The following NUP133 variants were observed in gnomAD, a reference collection of about 807,000 sequenced individuals.
NUP133 encodes nuclear pore complex protein Nup133.
Under a neutral mutation model 146.2 loss-of-function variants are expected in NUP133, and 66 were observed. That is an observed-to-expected ratio of 0.45 (90% CI 0.37 to 0.55). NUP133 has a LOEUF of 0.55. Ranked by LOEUF, NUP133 falls within the 20% of genes least tolerant of loss-of-function variation. The pLI, the probability that NUP133 is intolerant of heterozygous loss-of-function variation, is 0.00. For synonymous variants in NUP133, 521 were observed against 498.8 expected, an observed-to-expected ratio of 1.04 and a Z score of -0.59; for missense variants, 1,277 against 1,374.8, an observed-to-expected ratio of 0.93 and a Z score of 1.12.
At chr1:229,506,619 C>G (rs994983966) in intron 1 of NUP133, among the ~76,000 whole-genome samples, 8 of 151,774 alleles carry the variant, frequency 5.3e-5, no homozygotes, top group Non-Finnish European at 1.0e-4. Flanking sequence ...AAGAGTCCAC[C>G]AGACCTGGCC....
At chr1:229,485,430 G>C (rs923766152) in intron 11 of NUP133, among the ~76,000 whole-genome samples, 2 of 152,092 alleles carry the variant, frequency 1.3e-5, no homozygotes, top group Non-Finnish European at 2.9e-5. Context: ...TGTGTAAAAA[G>C]ATTAAGTCAC....
chr1:229,506,453 T>TC (rs1237496907), intron 1 of NUP133, among the ~76,000 whole-genome samples: 1 of 151,434 alleles, frequency 6.6e-6, no homozygotes, highest in Non-Finnish European at 1.5e-5. Flanking sequence ...ACCAGTGTTT[T>TC]TTTTTTTTTT....
Position 229,452,585 on chromosome 1 carries a change from C to T in NUP133, c.3039G>A (p.Leu1013=), listed in dbSNP as rs537919966. 2.5e-6 allele frequency: 4 copies of T among 1,613,990 alleles called. No individual in the cohort carries two copies. Among genetic ancestry groups the T allele is most frequent in the African/African-American group, 2.7e-5 (2 of 75,042 alleles). Residue 1013 remains leucine, a synonymous_variant, in exon 22 of 26, where the codon CTG becomes CTA. Coordinates refer to ENST00000261396, the MANE Select transcript of NUP133 (RefSeq NM_018230.3). The stretch of plus-strand genomic sequence containing the variant: ...CACTGAGATTTAGCTGTTTCTCCGC[C>T]AGCAGCTGTTCAGGTAGGGTCTCCT... The part of the protein sequence containing the change: ...LHQETLPEQL[L]AEKQLNLSAM...
chr1:229,451,443 A>G (rs1035446132), intron 22 of NUP133, among the ~76,000 whole-genome samples: 1 of 152,122 alleles, frequency 6.6e-6, no homozygotes, highest in African/African-American at 2.4e-5. Context: ...TGTACAGTTG[A>G]TCTATATTCA....
Position 229,498,248 on chromosome 1 carries a change from C to T in NUP133, c.707G>A (p.Ser236Asn), listed in dbSNP as rs1661704436. ...GATATGCTGATGAATCTTTCCTGAG[C>T]TCTCAGGTATCAACCGAATTAGTTG... is the stretch of plus-strand genomic sequence containing the variant. ...GSQLIRLIPESSGKIHQHILP... is the reference protein window; with the variant it reads ...GSQLIRLIPENSGKIHQHILP... Residue 236 changes from serine to asparagine, a missense_variant, in exon 6 of 26, where the codon AGC (serine) becomes AAC (asparagine). Ser to Asn is a conservative substitution (Grantham distance 46). This residue lies in a region of NUP133 where 319 missense variants were observed against 306.9 expected (regional missense o/e 1.04). Coordinates refer to ENST00000261396, the MANE Select transcript of NUP133 (RefSeq NM_018230.3). 1.9e-6 allele frequency: 3 copies of T among 1,610,722 alleles called. No individual in the cohort carries two copies. The Admixed American group carries it at 5.1e-5, about 27-fold the overall frequency.
At chr1:229,492,676 A>G (rs1401526322) in intron 8 of NUP133, among the ~76,000 whole-genome samples, 2 of 152,000 alleles carry the variant, frequency 1.3e-5, no homozygotes, top group African/African-American at 2.4e-5. Context: ...GGAAAACCAA[A>G]TATCATATGT....
chr1:229,505,803 G>A (rs920599883), intron 2 of NUP133, among the ~76,000 whole-genome samples: 4 of 152,004 alleles, frequency 2.6e-5, no homozygotes, highest in Non-Finnish European at 5.9e-5. Flanking sequence ...CAGGAAACTC[G>A]CTTGAACCTG....
At chr1:229,465,897 A>T (rs1660799378) in intron 16 of NUP133, among the ~76,000 whole-genome samples, 1 of 151,206 alleles carries the variant, frequency 6.6e-6, no homozygotes, top group Non-Finnish European at 1.5e-5. Context: ...TCTCACAAAA[A>T]AAAAAAAAAA....
intron 3 of NUP133, 29 bp downstream of exon 3, chr1:229,501,970 C>G: frequency 6.6e-7 from 1 of 1,503,836 alleles, no homozygotes; most frequent in Non-Finnish European, 9.3e-7. Flanking sequence ...TCTCCTCTAT[C>G]TTGTTCCAGC....
At chr1:229,505,564 T>TAAA (rs56383157) in intron 2 of NUP133, among the ~76,000 whole-genome samples, 884 of 63,206 alleles carry the variant, frequency 0.014, 47 homozygotes, top group East Asian at 0.026. Flanking sequence ...CAATTACAGT[T>TAAA]AAAAAAAAAA....
chr1:229,505,207 C>A (rs954351426), intron 2 of NUP133, among the ~76,000 whole-genome samples: 1 of 152,086 alleles, frequency 6.6e-6, no homozygotes, highest in Non-Finnish European at 1.5e-5. Context: ...GATGAACTGT[C>A]GCAGTAATGC....
At chr1:229,507,748 A>G (rs961496725) in intron 1 of NUP133, among the ~76,000 whole-genome samples, 2 of 152,194 alleles carry the variant, frequency 1.3e-5, no homozygotes, top group Non-Finnish European at 2.9e-5. Context: ...CATTTCACAG[A>G]TGAAGAAAAT....
At chr1:229,499,532 C>T in intron 5 of NUP133, 152 bp downstream of exon 5, 2 of 758,688 alleles carry the variant, frequency 2.6e-6, no homozygotes, top group Non-Finnish European at 4.1e-6. Context: ...CTTTGGGAAG[C>T]CAAAGCAGGA....
chr1:229,496,113 T>C (rs1041080525), intron 6 of NUP133, 66 bp from the exon 7 acceptor site: 14 of 1,267,640 alleles, frequency 1.1e-5, no homozygotes, highest in Non-Finnish European at 1.5e-5. Flanking sequence ...ACTATTGTTT[T>C]AAAAGTCAAA....
Position 229,484,144 on chromosome 1 carries a change from C to T in NUP133, c.1502G>A (p.Ser501Asn). Residue 501 changes from serine (S) to asparagine (N), a missense_variant and splice_region_variant, in exon 12 of 26, where the codon AGT (serine) becomes AAT (asparagine). Coordinates refer to ENST00000261396, the MANE Select transcript of NUP133 (RefSeq NM_018230.3). ...CTTTGTAGTGGTCTCAAAAATCATA[C>T]TCTGCAAAATAACAAAGTATAGTTT... ...ASSVAGPNSE[S>N]MIFETTTKNE... is the part of the protein sequence containing the mutation. The T allele has an allele frequency of 6.2e-7, 1 of 1,607,270 alleles. No individual in the cohort carries two copies. Among genetic ancestry groups the T allele is most frequent in the Non-Finnish European group, 8.5e-7 (1 of 1,174,856 alleles).
chr1:229,452,390 G>T (rs891709801), intron 22 of NUP133, 135 bp downstream of exon 22: 1 of 564,334 alleles, frequency 1.8e-6, no homozygotes, highest in Non-Finnish European at 2.9e-6. Flanking sequence ...TTCAAACAAC[G>T]TTTTTCTAGG....
Position 229,508,254 on chromosome 1 carries a change from C to A in NUP133, c.-5G>T. The A allele has an allele frequency of 6.6e-7, 1 of 1,507,438 alleles. No individual in the cohort carries two copies. The highest frequency in any genetic ancestry group is 2.6e-5 in the East Asian group (1 of 38,950). The allele number at this position is 1,507,438 out of a possible 1,614,324, so 93.4% of individuals were successfully genotyped here. A position where few individuals can be genotyped will look rare whatever the true frequency, so the allele number is the denominator to read the frequency against. ...AGAAGGGGCGGCTGGGAACATGACT[C>A]CAAGGAGCAGCGACTAGGACAGCGA... On this transcript the variant is annotated 5_prime_UTR_variant, in exon 1 of 26. Coordinates refer to ENST00000261396, the MANE Select transcript of NUP133 (RefSeq NM_018230.3).
chr1:229,476,086 C>T (rs1405803013), intron 13 of NUP133, among the ~76,000 whole-genome samples: 4 of 146,980 alleles, frequency 2.7e-5, no homozygotes, highest in Non-Finnish European at 5.9e-5. Context: ...TCCAGCCTGG[C>T]GACAGAGCGA....
At chr1:229,493,062 T>A (rs1486687698) in intron 8 of NUP133, among the ~76,000 whole-genome samples, 5 of 152,216 alleles carry the variant, frequency 3.3e-5, no homozygotes, top group African/African-American at 1.2e-4. Flanking sequence ...TAAGTTTTTA[T>A]GTGAGTATAT....
Sources: gnomAD v4.1 joint callset for allele counts (sites outside exome capture counted in the v4.1 genomes callset) on GRCh38, gnomAD v4.1.1 for gene constraint, gnomAD v4.1.1 regional missense constraint, MANE v1.5 for transcripts, NCBI Gene and HGNC (gene_info 2026-07-23, HGNC 2026-07-21) for gene names.